FARSA: variants seen among roughly 807,000 people sequenced by gnomAD.
FARSA encodes the protein phenylalanyl-tRNA synthetase subunit alpha.
In FARSA, 37 loss-of-function variants were observed where a neutral mutation model predicts 63.2. The ratio of observed to expected loss-of-function variants is 0.59; its 90% confidence interval spans 0.45 to 0.77. FARSA has a LOEUF of 0.77. Ranked by LOEUF, FARSA falls within the 30% of genes least tolerant of loss-of-function variation. The pLI, the probability that FARSA is intolerant of heterozygous loss-of-function variation, is 0.00. For synonymous variants in FARSA, 312 were observed against 285.1 expected (o/e 1.09, Z -0.95); for missense variants, 618 against 696.6 (o/e 0.89, Z 1.27).
Position 12,933,572 on chromosome 19 carries a change from T to C in FARSA, c.125A>G (p.Lys42Arg). The part of the protein sequence containing the change: ...MEHQAVVGAV[K>R]SLQALGEVIE... Reference sequence around the variant, plus strand: ...CACCTCGCCCAGCGCCTGAAGGCTCTTCACGGCGCCCACCACCGCCTGGTG... The same window carrying C: ...CACCTCGCCCAGCGCCTGAAGGCTCCTCACGGCGCCCACCACCGCCTGGTG... Residue 42 changes from lysine (K) to arginine (R), a missense_variant, in exon 1 of 13, where the codon AAG becomes AGG. Physicochemically the swap from Lys to Arg is conservative, Grantham distance 26 (BLOSUM62 2). Coordinates refer to ENST00000314606, the MANE Select transcript of FARSA (RefSeq NM_004461.3). 6.5e-7 allele frequency: 1 copy of C among 1,547,268 alleles called. No homozygotes were observed. The highest frequency in any genetic ancestry group is 8.7e-7 in the Non-Finnish European group (1 of 1,151,144).
At chr19:12,925,229 T>A in intron 7 of FARSA, 55 bp from the exon 8 acceptor site, 2 of 1,454,260 alleles carry the variant, frequency 1.4e-6, no homozygotes, top group South Asian at 1.3e-5. Context: ...CACCCCTTTT[T>A]TTTTTTCAGA....
In FARSA at chr19:12,930,300, C is replaced by T; in HGVS notation, c.426G>A (p.Leu142=). 1.2e-6 allele frequency: 2 copies of T among 1,614,094 alleles called. No individual in the cohort carries two copies. The highest frequency in any genetic ancestry group is 1.6e-4 in the Middle Eastern group (1 of 6,062). Residue 142 remains leucine, a synonymous_variant, in exon 4 of 13, where the codon CTG becomes CTA. Coordinates refer to ENST00000314606, the MANE Select transcript of FARSA (RefSeq NM_004461.3). Reference sequence around the variant, plus strand: ...GCTTCTCAGCCTGTCCCCCCCGGACCAGCTGGAGCCGCCGCTGCACCTCAT... The same window carrying T: ...GCTTCTCAGCCTGTCCCCCCCGGACTAGCTGGAGCCGCCGCTGCACCTCAT... ...MEDEVQRRLQ[L]VRGGQAEKLG...
At position 12,922,853 on chromosome 19, in the gene FARSA, G is replaced by A; in HGVS notation, c.1422C>T (p.Ile474=). The change falls in exon 13 of 13, where the codon ATC becomes ATT. Residue 474 remains isoleucine, a synonymous_variant. Transcript: ENST00000314606. ...TCACCTTGTGGCCCACCAGCTCCCGGATATTGTTGATGCCATATTTGATCA... is the reference window on the plus strand; with the variant it reads ...TCACCTTGTGGCCCACCAGCTCCCGAATATTGTTGATGCCATATTTGATCA... The part of the protein sequence containing the change: ...PTMIKYGINN[I]RELVGHKVNL... The A allele has an allele frequency of 1.9e-6, 3 of 1,614,148 alleles. No homozygotes were observed. The highest frequency in any genetic ancestry group is 2.5e-6 in the Non-Finnish European group (3 of 1,180,020).
At chr19:12,927,729 C>CAAA (rs71168636) in intron 7 of FARSA, among the ~76,000 whole-genome samples, 6 of 30,640 alleles carry the variant, frequency 2.0e-4, no homozygotes, top group Non-Finnish European at 3.1e-4. Context: ...GAGACTGTCT[C>CAAA]AAAAAAAAAA....
In FARSA at chr19:12,925,173, A is replaced by G. The variant is rs1371141508; in HGVS notation, c.843T>C (p.Asp281=). The change falls in exon 8 of 13, where the codon GAT becomes GAC. Residue 281 remains aspartate, a splice_region_variant and synonymous_variant. Coordinates refer to ENST00000314606, the MANE Select transcript of FARSA (RefSeq NM_004461.3). Reference sequence around the variant, plus strand: ...TTGGGAGCTGCAGGGCCTCCGCTGGATCTGGGCAGGACAGAGCAACATCAG... The same window carrying G: ...TTGGGAGCTGCAGGGCCTCCGCTGGGTCTGGGCAGGACAGAGCAACATCAG... ...RDQHDTFFLR[D]PAEALQLPMD... 1 of 1,583,712 alleles carries G rather than the reference A, an allele frequency of 6.3e-7. No homozygotes were observed. Among genetic ancestry groups the G allele is most frequent in the Non-Finnish European group, 8.6e-7 (1 of 1,166,182 alleles).
Position 12,922,849 on chromosome 19 carries a change from C to T in FARSA, c.1426G>A (p.Glu476Lys). The change falls in exon 13 of 13, where the codon GAG becomes AAG. Residue 476 changes from glutamate (E) to lysine (K), a missense_variant. Transcript: ENST00000314606. ...MIKYGINNIRELVGHKVNLQM... is the reference protein window; with the variant it reads ...MIKYGINNIRKLVGHKVNLQM... ...AGGTTCACCTTGTGGCCCACCAGCT[C>T]CCGGATATTGTTGATGCCATATTTG... The T allele has an allele frequency of 6.2e-7, 1 of 1,614,084 alleles. No homozygotes were observed. Among genetic ancestry groups the T allele is most frequent in the Non-Finnish European group, 8.5e-7 (1 of 1,180,014 alleles).
At position 12,925,032 on chromosome 19, in the gene FARSA, C is replaced by T. The variant is rs1272276524; in HGVS notation, c.927-29G>A. 1.9e-6 allele frequency: 3 copies of T among 1,613,172 alleles called. No homozygotes were observed. In the Admixed American group the frequency reaches 5.0e-5, roughly 27 times the overall value. Reference sequence around the variant, plus strand: ...CAGGAGGGAAGGTGGGAAGTCCATGCAATGGCCCAGGGGTCCCCAGCCTCC... The same window carrying T: ...CAGGAGGGAAGGTGGGAAGTCCATGTAATGGCCCAGGGGTCCCCAGCCTCC... On this transcript the variant is annotated intron_variant, in intron 8 of 12. Coordinates refer to ENST00000314606, the MANE Select transcript of FARSA (RefSeq NM_004461.3).
Position 12,925,262 on chromosome 19 carries a change from C to A in FARSA, c.842-88G>T, listed in dbSNP as rs144874487. The A allele has an allele frequency of 2.8e-5, 32 of 1,147,318 alleles. No homozygotes were observed. The African/African-American group carries it at 4.2e-4, about 15-fold the overall frequency. 71.1% of individuals were successfully genotyped at this position (1,147,318 alleles called of 1,614,324 possible). A position where few individuals can be genotyped will look rare whatever the true frequency, so the allele number is the denominator to read the frequency against. On this transcript the variant is annotated intron_variant, in intron 7 of 12. Coordinates refer to ENST00000314606, the MANE Select transcript of FARSA (RefSeq NM_004461.3). The stretch of plus-strand genomic sequence containing the variant: ...AGACAGGGTCTCACTGTTGTCCAGG[C>A]TGGAGTGCGGTGGTGCAATCTGGGC...
intron 12 of FARSA, among the ~76,000 whole-genome samples, chr19:12,923,840 T>C (rs771577904): frequency 2.0e-5 from 3 of 151,988 alleles, no homozygotes; most frequent in Non-Finnish European, 2.9e-5. Context: ...CTCAAACTCC[T>C]GGCTCAGGCG....
Position 12,922,725 on chromosome 19 carries a change from G to A in FARSA, c.*23C>T, listed in dbSNP as rs1308183509. ...GCAGCAGCAGGGACTCGGGGAGGATGACCTGTCCTAGAGTGGCCCATGTCA... is the reference window on the plus strand; with the variant it reads ...GCAGCAGCAGGGACTCGGGGAGGATAACCTGTCCTAGAGTGGCCCATGTCA... On this transcript the variant is annotated 3_prime_UTR_variant, in exon 13 of 13. Coordinates refer to ENST00000314606, the MANE Select transcript of FARSA (RefSeq NM_004461.3). The A allele has an allele frequency of 6.2e-7, 1 of 1,612,098 alleles. No individual in the cohort carries two copies. Among genetic ancestry groups the A allele is most frequent in the Non-Finnish European group, 8.5e-7 (1 of 1,179,922 alleles).
At position 12,930,620 on chromosome 19, in the gene FARSA, C is replaced by G. The variant is rs368745199; in HGVS notation, c.277G>C (p.Glu93Gln). Residue 93 changes from glutamate to glutamine, a missense_variant, in exon 2 of 13, where the codon GAG (glutamate) becomes CAG (glutamine). By Grantham distance (29) the Glu-to-Gln change is conservative. Transcript: ENST00000314606. ...SIPPEGLAQS[E>Q]LMRLPSGKVG... ...CACCCCGCAGCTCCTACCATAAGCTCGCTCTGGGCCAGGCCCTCTGGGGGA... is the reference window on the plus strand; with the variant it reads ...CACCCCGCAGCTCCTACCATAAGCTGGCTCTGGGCCAGGCCCTCTGGGGGA... The G allele has an allele frequency of 6.2e-7, 1 of 1,610,284 alleles. No individual in the cohort carries two copies. Among genetic ancestry groups the G allele is most frequent in the Non-Finnish European group, 8.5e-7 (1 of 1,177,344 alleles).
rs1971306050 is a variant in FARSA, at chr19:12,924,721, G to A, written c.1113C>T (p.His371=). 6.2e-7 allele frequency: 1 copy of A among 1,600,090 alleles called. No homozygotes were observed. The highest frequency in any genetic ancestry group is 1.7e-5 in the Admixed American group (1 of 59,410). The stretch of plus-strand genomic sequence containing the variant: ...GATCCGCCACCACGCCCTCGATCTG[G>A]TGGAACTCAGCCAGGTGCGTGGCGT... The part of the protein sequence containing the change: ...TLDATHLAEF[H]QIEGVVADHG... The change falls in exon 10 of 13, where the codon CAC becomes CAT. Residue 371 remains histidine (H), a synonymous_variant. Transcript: ENST00000314606. The surrounding 1 kb of genome is among the most constrained non-coding windows in gnomAD (Gnocchi z 6.4).
At chr19:12,926,765 G>A (rs1971332241) in intron 7 of FARSA, among the ~76,000 whole-genome samples, 1 of 152,156 alleles carries the variant, frequency 6.6e-6, no homozygotes, top group African/African-American at 2.4e-5. Flanking sequence ...TGCTTAGGCT[G>A]TTCTCAAACT....
At chr19:12,929,470 G>A (rs1599652999) in intron 4 of FARSA, among the ~76,000 whole-genome samples, 1 of 152,298 alleles carries the variant, frequency 6.6e-6, no homozygotes, top group East Asian at 1.9e-4. Context: ...GCCTCCCAAA[G>A]TGCTGGGATT....
rs1971298370 is a variant in FARSA at position 12,924,202 on chromosome 19, A to G, written c.1337T>C (p.Met446Thr). Residue 446 changes from methionine (M) to threonine (T), a missense_variant, in exon 12 of 13, where the codon ATG (methionine) becomes ACG (threonine). Met to Thr is a moderately conservative substitution (Grantham distance 81). Coordinates refer to ENST00000314606, the MANE Select transcript of FARSA (RefSeq NM_004461.3). This position sits in a 1 kb window ranked among gnomAD's most constrained non-coding sequence, Gnocchi z 6.4. ...GACCGACACGTTCTCGGGAAGCCCCATGGGCAGCAGCATCTCTGGACGGAA... is the reference window on the plus strand; with the variant it reads ...GACCGACACGTTCTCGGGAAGCCCCGTGGGCAGCAGCATCTCTGGACGGAA... Reference protein sequence around the residue: ...GVFRPEMLLPMGLPENVSVIA... With the variant: ...GVFRPEMLLPTGLPENVSVIA... The G allele has an allele frequency of 4.3e-6, 7 of 1,614,134 alleles. No individual in the cohort carries two copies. The South Asian group carries it at 6.6e-5, about 15-fold the overall frequency.
rs564648205 is a variant in FARSA, at chr19:12,933,410, C to T, written c.147+140G>A. The T allele has an allele frequency of 9.9e-5, 101 of 1,018,510 alleles. No individual in the cohort carries two copies. The African/African-American group carries it at 1.4e-3, about 15-fold the overall frequency. The allele number at this position is 1,018,510 out of a possible 1,614,324, so 63.1% of individuals were successfully genotyped here. A position where few individuals can be genotyped will look rare whatever the true frequency, so the allele number is the denominator to read the frequency against. On this transcript the variant is annotated intron_variant, in intron 1 of 12. Transcript: ENST00000314606. ...CTGGGCCCTCACTCGTCCCACTTCC[C>T]GCCCGCACATCCCGGAGTGGACACA...
At chr19:12,932,213 A>G (rs8108826) in intron 1 of FARSA, among the ~76,000 whole-genome samples, 7,242 of 151,748 alleles carry the variant, frequency 0.048, 245 homozygotes, top group African/African-American at 0.089. Flanking sequence ...TTGTATTTTT[A>G]GTAGAGACAG....
At chr19:12,932,076 T>G (rs1971404189) in intron 1 of FARSA, among the ~76,000 whole-genome samples, 1 of 149,344 alleles carries the variant, frequency 6.7e-6, no homozygotes, top group Non-Finnish European at 1.5e-5. Context: ...TCTCGCTCTG[T>G]CGCCCAGGCT....
Position 12,930,077 on chromosome 19 carries a change from T to C in FARSA, c.503+146A>G, listed in dbSNP as rs190446356. ...TCATGGGCAAAGACCCCAAGGCACG[T>C]AGGCTTGACAACTATGGCATTAAGC... On this transcript the variant is annotated intron_variant, in intron 4 of 12. Coordinates refer to ENST00000314606, the MANE Select transcript of FARSA (RefSeq NM_004461.3). 151 of 685,354 alleles carry C rather than the reference T, an allele frequency of 2.2e-4. No individual in the cohort carries two copies. In the East Asian group the frequency reaches 3.3e-3, roughly 15 times the overall value. The allele number at this position is 685,354 out of a possible 1,614,324, so 42.5% of individuals were successfully genotyped here.
Sources: gnomAD v4.1 joint callset for allele counts (sites outside exome capture counted in the v4.1 genomes callset) on GRCh38, gnomAD v4.1.1 for gene constraint, Gnocchi (gnomAD v3.1) non-coding constraint, MANE v1.5 for transcripts, NCBI Gene and HGNC (gene_info 2026-07-23, HGNC 2026-07-21) for gene names.